Variants in MCTP1 observed in about 807,000 individuals in gnomAD.
MCTP1 encodes the protein multiple C2 and transmembrane domain-containing protein 1.
In MCTP1, 69 loss-of-function variants were observed where a neutral mutation model predicts 120.6. The ratio of observed to expected loss-of-function variants is 0.57; its 90% CI spans 0.47 to 0.70. The LOEUF (loss-of-function observed/expected upper bound fraction) is 0.70. Among genes scored for constraint, MCTP1 ranks in the 30% least tolerant of loss-of-function variants. MCTP1 has a pLI of 0.00. For synonymous variants in MCTP1, 529 were observed against 493.1 expected, an observed-to-expected ratio of 1.07 and a Z score of -0.96; for missense variants, 1,203 against 1,248.8, an observed-to-expected ratio of 0.96 and a Z score of 0.55.
intron 1 of MCTP1, among the ~76,000 whole-genome samples, chr5:95,181,323 A>G (rs145283545): frequency 1.3e-5 from 2 of 152,168 alleles, no homozygotes; most frequent in East Asian, 3.8e-4. Context: ...CTCTAGCTAC[A>G]CGTCTACATT....
intron 2 of MCTP1, among the ~76,000 whole-genome samples, chr5:94,998,694 G>C (rs147973489): frequency 6.6e-6 from 1 of 152,142 alleles, no homozygotes; most frequent in Admixed American, 6.5e-5. Context: ...TGCAGAGACT[G>C]TGCACAAAAT....
chr5:95,170,028 G>A (rs1448260031), intron 1 of MCTP1, among the ~76,000 whole-genome samples: 2 of 152,160 alleles, frequency 1.3e-5, no homozygotes, highest in Non-Finnish European at 2.9e-5. Context: ...GATCTTTGCT[G>A]CTTTCTCTTG....
intron 1 of MCTP1, among the ~76,000 whole-genome samples, chr5:95,102,368 C>T (rs1017269287): frequency 6.6e-6 from 1 of 152,170 alleles, no homozygotes; most frequent in Non-Finnish European, 1.5e-5. Flanking sequence ...AGAAGAAAAA[C>T]CCAGCTCACT....
At chr5:94,748,972 A>T (rs1019686235) in intron 19 of MCTP1, among the ~76,000 whole-genome samples, 3 of 151,458 alleles carry the variant, frequency 2.0e-5, no homozygotes, top group African/African-American at 7.2e-5. Context: ...GAAGGTCAAG[A>T]AATACAGTTT....
At chr5:95,015,540 C>T (rs1836931267) in intron 2 of MCTP1, among the ~76,000 whole-genome samples, 1 of 152,046 alleles carries the variant, frequency 6.6e-6, no homozygotes, top group Admixed American at 6.6e-5. Context: ...TAGTTTCTAG[C>T]TTTTGATTTC....
intron 17 of MCTP1, among the ~76,000 whole-genome samples, chr5:94,818,442 A>T (rs1784928374): frequency 6.6e-6 from 1 of 152,208 alleles, no homozygotes; most frequent in Admixed American, 6.5e-5. Context: ...GTTTCAGGTG[A>T]TCAGCTAATT....
At chr5:95,129,546 A>C (rs1173386988) in intron 1 of MCTP1, among the ~76,000 whole-genome samples, 1 of 152,254 alleles carries the variant, frequency 6.6e-6, no homozygotes, top group Non-Finnish European at 1.5e-5. Context: ...GTCTGTGAGT[A>C]CATTTCTAGA....
chr5:95,061,418 T>G lies in MCTP1; in HGVS notation c.721-43934A>C, dbSNP rs1309203207. Among the ~76,000 whole-genome samples the G allele has an allele frequency of 2.6e-3, 44 of 17,220 alleles. 4 individuals are homozygous for G. Among genetic ancestry groups the G allele is most frequent in the Admixed American group, 3.9e-3 (4 of 1,024 alleles). 11.3% of individuals were successfully genotyped at this position (17,220 alleles called of 152,430 possible). On this transcript the variant is annotated intron_variant, in intron 1 of 22. Transcript: ENST00000515393. ...ACAAACCCCTTAAGGGTTTTTTTTT[T>G]TTTTTTTTTTTTTTTTTTTTTTTTT... is the stretch of plus-strand genomic sequence containing the variant.
rs1760535343 is a variant in MCTP1, at chr5:95,283,908, C to T, written c.668G>A (p.Ser223Asn). The change falls in exon 1 of 23, where the codon AGT becomes AAT. Residue 223 changes from serine (S) to asparagine (N), a missense_variant. This residue lies in a region of MCTP1 where 463 missense variants were observed against 377.8 expected (regional missense o/e 1.23). Coordinates refer to ENST00000515393, the MANE Select transcript of MCTP1 (RefSeq NM_024717.7). ...CTCCGGGGCCCGAGACTCCGCGGGA[C>T]TCCGCGCCGGCTCTGCGGGAGGAGG... ...PPPPPAEPARSPAESRAPETG... is the reference protein window; with the variant it reads ...PPPPPAEPARNPAESRAPETG... 2 of 1,393,372 alleles carry T rather than the reference C, an allele frequency of 1.4e-6. No individual in the cohort carries two copies. The highest frequency in any genetic ancestry group is 3.1e-5 in the African/African-American group (2 of 65,458). 86.3% of individuals were successfully genotyped at this position (1,393,372 alleles called of 1,614,324 possible).
intron 1 of MCTP1, among the ~76,000 whole-genome samples, chr5:95,207,507 T>C (rs1751760192): frequency 6.6e-6 from 1 of 152,156 alleles, no homozygotes; most frequent in South Asian, 2.1e-4. Context: ...TCTGATTAAA[T>C]TGATCAGAGT....
intron 17 of MCTP1, among the ~76,000 whole-genome samples, chr5:94,799,914 C>A (rs568421625): frequency 1.3e-5 from 2 of 152,232 alleles, no homozygotes; most frequent in Admixed American, 6.5e-5. Context: ...GACTCACCCC[C>A]ACCCGACACC....
chr5:94,744,099 T>A (rs1219480321), intron 19 of MCTP1, among the ~76,000 whole-genome samples: 1 of 151,862 alleles, frequency 6.6e-6, no homozygotes, highest in Non-Finnish European at 1.5e-5. Context: ...GCTTCCGGAG[T>A]AGCTGGAACT....
intron 2 of MCTP1, among the ~76,000 whole-genome samples, chr5:95,005,060 C>T (rs1834431430): frequency 6.6e-6 from 1 of 152,238 alleles, no homozygotes; most frequent in African/African-American, 2.4e-5. Flanking sequence ...CTTGGGAGCC[C>T]ATCCCTTGCA....
chr5:94,769,381 C>A (rs1773549017), intron 19 of MCTP1, among the ~76,000 whole-genome samples: 1 of 152,176 alleles, frequency 6.6e-6, no homozygotes, highest in East Asian at 1.9e-4. Flanking sequence ...ATATTCAACA[C>A]TCAAAGAAGT....
At chr5:95,282,604 G>GATGACA (rs1342364146) in intron 1 of MCTP1, among the ~76,000 whole-genome samples, 3 of 152,180 alleles carry the variant, frequency 2.0e-5, no homozygotes, top group Non-Finnish European at 4.4e-5. Context: ...TCACTTTCAA[G>GATGACA]ATGACAGGAA....
At position 95,068,798 on chromosome 5, in the gene MCTP1, A is replaced by C; in HGVS notation, c.721-51314T>G. 4 of 1,279,778 alleles carry C rather than the reference A, an allele frequency of 3.1e-6. No homozygotes were observed. In the South Asian group the frequency reaches 5.1e-5, roughly 16 times the overall value. 79.3% of individuals were successfully genotyped at this position (1,279,778 alleles called of 1,614,324 possible). On this transcript the variant is annotated intron_variant, in intron 1 of 22. Coordinates refer to ENST00000515393, the MANE Select transcript of MCTP1 (RefSeq NM_024717.7). ...TTTGAAACTTACGTTTACTGCATTT[A>C]GTCTGTCCTTTCCAATCTTACCATA...
intron 1 of MCTP1, among the ~76,000 whole-genome samples, chr5:95,225,988 C>T (rs1387870806): frequency 1.3e-5 from 2 of 152,082 alleles, no homozygotes; most frequent in Admixed American, 6.5e-5. Context: ...GAAAGTATAT[C>T]ATCTCTAATT....
At chr5:95,111,380 C>G (rs2152388689) in intron 1 of MCTP1, among the ~76,000 whole-genome samples, 2 of 152,214 alleles carry the variant, frequency 1.3e-5, no homozygotes, top group Middle Eastern at 3.4e-3. Flanking sequence ...TGGTGGTATA[C>G]TGAAGAACAA....
chr5:94,966,332 T>C lies in MCTP1; in HGVS notation c.839-12971A>G, dbSNP rs559279652. Among the ~76,000 whole-genome samples the C allele has an allele frequency of 8.1e-4, 124 of 152,336 alleles. 1 individual carries two copies. Among genetic ancestry groups the C allele is most frequent in the African/African-American group, 3.0e-3 (123 of 41,576 alleles). ...ACTACTGTGTGAAAGTATTAAGCAA[T>C]TGTTGCAATACTACGTATAATACCA... is the stretch of plus-strand genomic sequence containing the variant. On this transcript the variant is annotated intron_variant, in intron 2 of 22. Transcript: ENST00000515393.
Sources: gnomAD v4.1 joint callset for allele counts (sites outside exome capture counted in the v4.1 genomes callset) on GRCh38, gnomAD v4.1.1 for gene constraint, gnomAD v4.1.1 regional missense constraint, MANE v1.5 for transcripts, NCBI Gene and HGNC (gene_info 2026-07-23, HGNC 2026-07-21) for gene names.